RORA: variants seen among roughly 807,000 people sequenced by gnomAD.
RORA encodes the protein nuclear receptor ROR-alpha.
In RORA, 7 loss-of-function variants were observed where a neutral mutation model predicts 69.5. The ratio of observed to expected loss-of-function variants is 0.10; its 90% CI spans 0.06 to 0.19. RORA has a LOEUF of 0.19. RORA is among the 10% of genes least tolerant of loss of function. The pLI is 1.00. For synonymous variants in RORA, 261 were observed against 240.8 expected (o/e 1.08, Z -0.78); for missense variants, 457 against 663.0 (o/e 0.69, Z 3.41).
chr15:60,642,580 G>A (rs1035005876), intron 2 of RORA, among the ~76,000 whole-genome samples: 1 of 152,148 alleles, frequency 6.6e-6, no homozygotes, highest in East Asian at 1.9e-4. Context: ...GCACACTTCC[G>A]GGAAGCTCTC....
At chr15:60,919,392 C>T (rs1891973355) in intron 1 of RORA, among the ~76,000 whole-genome samples, 1 of 152,178 alleles carries the variant, frequency 6.6e-6, no homozygotes, top group African/African-American at 2.4e-5. Flanking sequence ...AATGGCAGAG[C>T]CAGGCCTGGA....
intron 1 of RORA, among the ~76,000 whole-genome samples, chr15:60,762,812 G>A (rs2071915034): frequency 6.6e-6 from 1 of 152,150 alleles, no homozygotes; most frequent in Non-Finnish European, 1.5e-5. Context: ...TTCTCTGTTA[G>A]ACATGGTCTA....
intron 1 of RORA, among the ~76,000 whole-genome samples, chr15:60,731,801 T>C (rs1164948908): frequency 2.6e-5 from 4 of 152,244 alleles, no homozygotes; most frequent in African/African-American, 4.8e-5. Flanking sequence ...ATGGGAGTCA[T>C]CATCTCCATT....
At chr15:60,524,101 C>T (rs997040351) in intron 3 of RORA, among the ~76,000 whole-genome samples, 1 of 152,182 alleles carries the variant, frequency 6.6e-6, no homozygotes, top group Non-Finnish European at 1.5e-5. Flanking sequence ...TCTCTGCCTC[C>T]TCCCCACCCA....
chr15:60,916,832 T>C (rs1891886607), intron 1 of RORA, among the ~76,000 whole-genome samples: 1 of 152,232 alleles, frequency 6.6e-6, no homozygotes, highest in Admixed American at 6.5e-5. Flanking sequence ...CCCTGATCTG[T>C]ATCACACACT....
At chr15:60,955,771 G>A (rs1191012208) in intron 1 of RORA, among the ~76,000 whole-genome samples, 2 of 152,190 alleles carry the variant, frequency 1.3e-5, no homozygotes, top group Admixed American at 6.5e-5. Flanking sequence ...CAAGAATGCT[G>A]ACTTCCAATC....
chr15:61,165,367 CTCTT>C (rs1193499846), intron 1 of RORA, among the ~76,000 whole-genome samples: 1 of 152,182 alleles, frequency 6.6e-6, no homozygotes, highest in African/African-American at 2.4e-5. Context: ...TCCAGCTCCC[CTCTT>C]TATTTCCAGA....
chr15:61,147,234 C>T lies in RORA; in HGVS notation c.166+81819G>A, dbSNP rs1321377498. ...CACAGCACCGTGGTCGTTTCCACCA[C>T]CCAAGAGAACCGTAAAGGTGGAAAG... is the stretch of plus-strand genomic sequence containing the variant. On this transcript the variant is annotated intron_variant, in intron 1 of 10. Coordinates refer to ENST00000335670, the MANE Select transcript of RORA (RefSeq NM_134261.3). The surrounding 1 kb of genome is among the most constrained non-coding windows in gnomAD (Gnocchi z 4.1). Among the ~76,000 whole-genome samples, 1 of 152,188 alleles carries T rather than the reference C, an allele frequency of 6.6e-6. No individual in the cohort carries two copies. Among genetic ancestry groups the T allele is most frequent in the Non-Finnish European group, 1.5e-5 (1 of 68,032 alleles).
chr15:60,935,607 T>C (rs1595827743), intron 1 of RORA, among the ~76,000 whole-genome samples: 1 of 152,364 alleles, frequency 6.6e-6, no homozygotes. Context: ...CGAGAGTCTA[T>C]AAATGGACAG....
chr15:60,923,527 G>A (rs1892112920), intron 1 of RORA, among the ~76,000 whole-genome samples: 1 of 152,186 alleles, frequency 6.6e-6, no homozygotes, highest in African/African-American at 2.4e-5. Context: ...AGTCACTTGA[G>A]TCAAGGCACC....
intron 1 of RORA, among the ~76,000 whole-genome samples, chr15:60,696,007 T>C (rs1442513084): frequency 2.0e-5 from 3 of 152,150 alleles, no homozygotes; most frequent in East Asian, 1.9e-4. Context: ...ACATCACTTA[T>C]AAGCTGACAG....
At chr15:61,081,357 T>C (rs1474871864) in intron 1 of RORA, among the ~76,000 whole-genome samples, 1 of 152,240 alleles carries the variant, frequency 6.6e-6, no homozygotes, top group Non-Finnish European at 1.5e-5. Context: ...ATGAACTAGA[T>C]ACAGCTTATA....
intron 2 of RORA, among the ~76,000 whole-genome samples, chr15:60,644,688 A>G (rs770500444): frequency 2.6e-5 from 4 of 152,212 alleles, no homozygotes; most frequent in Non-Finnish European, 4.4e-5. Flanking sequence ...TCACATTTCC[A>G]TGCCTCCTTC....
rs571483273 is a variant in RORA at position 60,654,167 on chromosome 15, C to T, written c.196+24490G>A. Among the ~76,000 whole-genome samples the T allele has an allele frequency of 3.9e-5, 6 of 152,278 alleles. No individual in the cohort carries two copies. In the South Asian group the frequency reaches 1.0e-3, roughly 26 times the overall value. Reference sequence around the variant, plus strand: ...TAAGGACAGAGAAGTCTTATTTCTTCTCTTTGCAAATGAAGATTCCAATCT... The same window carrying T: ...TAAGGACAGAGAAGTCTTATTTCTTTTCTTTGCAAATGAAGATTCCAATCT... On this transcript the variant is annotated intron_variant, in intron 2 of 10. Coordinates refer to ENST00000335670, the MANE Select transcript of RORA (RefSeq NM_134261.3).
chr15:60,589,431 G>T (rs965253818), intron 2 of RORA, among the ~76,000 whole-genome samples: 1 of 152,158 alleles, frequency 6.6e-6, no homozygotes, highest in Non-Finnish European at 1.5e-5. Context: ...AAGCAAAGGG[G>T]TATATCATCT....
chr15:60,889,376 C>G (rs904235294), intron 1 of RORA, among the ~76,000 whole-genome samples: 1 of 152,008 alleles, frequency 6.6e-6, no homozygotes, highest in African/African-American at 2.4e-5. Flanking sequence ...GAAATCCCCC[C>G]TTCTGGAATA....
At chr15:61,099,317 A>G (rs1595984970) in intron 1 of RORA, among the ~76,000 whole-genome samples, 1 of 152,310 alleles carries the variant, frequency 6.6e-6, no homozygotes, top group Middle Eastern at 3.4e-3. Context: ...CTCCCAGTGC[A>G]AAGTTTGGGC....
At chr15:60,517,371 G>C (rs982266232) in intron 3 of RORA, among the ~76,000 whole-genome samples, 23 of 152,048 alleles carry the variant, frequency 1.5e-4, no homozygotes, top group African/African-American at 5.6e-4. Flanking sequence ...GTCTCAGACT[G>C]TCTCTCTGTT....
At chr15:60,819,769 A>ACACACACACACACACG (rs2072868207) in intron 1 of RORA, among the ~76,000 whole-genome samples, 1 of 150,046 alleles carries the variant, frequency 6.7e-6, no homozygotes, top group African/African-American at 2.4e-5. Flanking sequence ...ACACACACAC[A>ACACACACACACACACG]CACACACACA....
Sources: gnomAD v4.1 joint callset for allele counts (sites outside exome capture counted in the v4.1 genomes callset) on GRCh38, gnomAD v4.1.1 for gene constraint, Gnocchi (gnomAD v3.1) non-coding constraint, MANE v1.5 for transcripts, NCBI Gene and HGNC (gene_info 2026-07-23, HGNC 2026-07-21) for gene names.